The following ARHGAP28 variants were observed in gnomAD, a reference collection of about 807,000 sequenced individuals.
The protein encoded by ARHGAP28 is Rho GTPase activating protein 28, also known as rho GTPase-activating protein 28.
In ARHGAP28, 56 loss-of-function variants were observed where a neutral mutation model predicts 90.7. That is an observed-to-expected ratio of 0.62 (90% CI 0.50 to 0.77). The LOEUF (loss-of-function observed/expected upper bound fraction) is 0.77. Among genes scored for constraint, ARHGAP28 ranks in the 30% least tolerant of loss-of-function variants. The probability of loss-of-function intolerance (pLI) is 0.00; values close to 1 mark genes in which losing one functional copy is unlikely to be tolerated. For missense variants in ARHGAP28, 869 were observed against 900.9 expected, an observed-to-expected ratio of 0.96 and a Z score of 0.45; for synonymous variants, 308 against 323.3, an observed-to-expected ratio of 0.95 and a Z score of 0.51.
intron 1 of ARHGAP28, among the ~76,000 whole-genome samples, chr18:6,735,666 C>T (rs2055920465): frequency 1.3e-5 from 2 of 151,884 alleles, no homozygotes; most frequent in African/African-American, 2.4e-5. Flanking sequence ...GCAATCCTCC[C>T]ATCTCAGCCT....
intron 1 of ARHGAP28, among the ~76,000 whole-genome samples, chr18:6,805,140 G>A (rs1038204416): frequency 6.6e-6 from 1 of 151,980 alleles, no homozygotes; most frequent in Non-Finnish European, 1.5e-5. Flanking sequence ...AGCTGAAAGA[G>A]GGGTTTTGAA....
chr18:6,862,380 C>T (rs977095813), intron 5 of ARHGAP28, among the ~76,000 whole-genome samples: 7 of 152,104 alleles, frequency 4.6e-5, no homozygotes, highest in African/African-American at 1.7e-4. Flanking sequence ...CAGGGGGCCC[C>T]GACAACTTGC....
At chr18:6,822,458 A>G (rs933673070) in intron 1 of ARHGAP28, among the ~76,000 whole-genome samples, 2 of 152,144 alleles carry the variant, frequency 1.3e-5, no homozygotes, top group South Asian at 4.1e-4. Flanking sequence ...TTATTGCAAA[A>G]GGAAAAAGTC....
rs893728833 is a variant in ARHGAP28, at chr18:6,836,869, G to T, written c.326-328G>T. Among the ~76,000 whole-genome samples, 16 of 152,078 alleles carry T rather than the reference G, an allele frequency of 1.1e-4. 1 individual carries two copies. Among genetic ancestry groups the T allele is most frequent in the Admixed American group, 7.2e-4 (11 of 15,260 alleles). ...CAATTTGTATTCCATTAAGTAATGG[G>T]TTTTTTCTATTATAGTTTTACTTTA... On this transcript the variant is annotated intron_variant, in intron 2 of 17. Transcript: ENST00000383472.
intron 3 of ARHGAP28, among the ~76,000 whole-genome samples, chr18:6,842,081 G>T (rs2056831852): frequency 6.6e-6 from 1 of 152,112 alleles, no homozygotes. Flanking sequence ...AGGCATGATG[G>T]CTGACACCTG....
At chr18:6,751,024 C>T (rs1212836420) in intron 1 of ARHGAP28, among the ~76,000 whole-genome samples, 3 of 152,112 alleles carry the variant, frequency 2.0e-5, no homozygotes, top group Admixed American at 2.0e-4. Context: ...CTGACCCCTA[C>T]CCCTGCACTG....
At chr18:6,910,130 A>T (rs1214916957) in intron 17 of ARHGAP28, among the ~76,000 whole-genome samples, 3 of 152,142 alleles carry the variant, frequency 2.0e-5, no homozygotes, top group Non-Finnish European at 4.4e-5. Flanking sequence ...CATGGTCACC[A>T]GACAACTCGT....
At chr18:6,853,283 G>A (rs1312033093) in intron 4 of ARHGAP28, among the ~76,000 whole-genome samples, 1 of 152,118 alleles carries the variant, frequency 6.6e-6, no homozygotes, top group East Asian at 1.9e-4. Context: ...GAGGGGGTTG[G>A]ACATGCCTCA....
chr18:6,863,726 A>G (rs2057015662), intron 5 of ARHGAP28, among the ~76,000 whole-genome samples: 1 of 151,482 alleles, frequency 6.6e-6, no homozygotes. Context: ...TGATATATTT[A>G]ATAATTTGTT....
intron 3 of ARHGAP28, among the ~76,000 whole-genome samples, chr18:6,842,125 G>A (rs539677202): frequency 3.0e-4 from 45 of 152,288 alleles, no homozygotes; most frequent in African/African-American, 1.0e-3. Context: ...AAGGCAAGAG[G>A]ATGGCTTGAA....
intron 1 of ARHGAP28, among the ~76,000 whole-genome samples, chr18:6,807,751 GGCTCCTCTGAGGAGCTCCAGA>G (rs2056529208): frequency 6.6e-6 from 1 of 152,072 alleles, no homozygotes; most frequent in South Asian, 2.1e-4. Context: ...GGCTTGACGG[GGCTCCTCTGAGGAGCTCCAGA>G]GTTCTCTGTC....
chr18:6,743,693 G>T (rs924140003), intron 1 of ARHGAP28, among the ~76,000 whole-genome samples: 2 of 152,206 alleles, frequency 1.3e-5, no homozygotes, highest in Non-Finnish European at 2.9e-5. Context: ...ATAATTAATA[G>T]AAAGTAAATA....
At chr18:6,880,610 A>G (rs755181915) in intron 10 of ARHGAP28, among the ~76,000 whole-genome samples, 4 of 152,184 alleles carry the variant, frequency 2.6e-5, no homozygotes, top group African/African-American at 7.2e-5. Context: ...CTTGCCCTAG[A>G]TGCGCCAGCA....
chr18:6,860,644 A>G (rs1270840953), intron 5 of ARHGAP28, among the ~76,000 whole-genome samples: 1 of 152,054 alleles, frequency 6.6e-6, no homozygotes, highest in African/African-American at 2.4e-5. Context: ...TTTTTCCTCA[A>G]CCCCTGTCCA....
chr18:6,878,200 A>G (rs1287411724), intron 10 of ARHGAP28, among the ~76,000 whole-genome samples: 1 of 152,100 alleles, frequency 6.6e-6, no homozygotes, highest in African/African-American at 2.4e-5. Flanking sequence ...TTGTAGGGAC[A>G]TGGATGAAAT....
At chr18:6,876,321 T>C (rs1489495758) in intron 10 of ARHGAP28, 113 bp downstream of exon 10, 1 of 760,450 alleles carries the variant, frequency 1.3e-6, no homozygotes, top group Non-Finnish European at 2.3e-6. Flanking sequence ...TATCACTTGG[T>C]CCTTCCTAGT....
At chr18:6,794,589 T>C (rs942592133) in intron 1 of ARHGAP28, among the ~76,000 whole-genome samples, 4 of 152,222 alleles carry the variant, frequency 2.6e-5, no homozygotes, top group Admixed American at 2.0e-4. Flanking sequence ...TTCTTTTAGA[T>C]TTGCTTTTAG....
chr18:6,781,566 G>T (rs1420880416), intron 1 of ARHGAP28, among the ~76,000 whole-genome samples: 1 of 152,100 alleles, frequency 6.6e-6, no homozygotes, highest in East Asian at 1.9e-4. Context: ...TCTTGCCCTG[G>T]TGACATGGGA....
chr18:6,882,098 A>C (rs765517092), intron 10 of ARHGAP28, 39 bp from the exon 11 acceptor site: 1 of 1,569,844 alleles, frequency 6.4e-7, no homozygotes, highest in Non-Finnish European at 8.6e-7. Flanking sequence ...TCAGGTGGTA[A>C]AAGTGCATTG....
Sources: allele counts gnomAD v4.1 joint callset (sites outside exome capture counted in the v4.1 genomes callset), GRCh38; gene constraint gnomAD v4.1.1; transcripts MANE v1.5; gene names NCBI Gene and HGNC (gene_info 2026-07-23, HGNC 2026-07-21).